The following DPP10 variants were observed in gnomAD, a reference collection of about 807,000 sequenced individuals.
DPP10 encodes inactive dipeptidyl peptidase 10.
In DPP10, 33 loss-of-function variants were observed where a neutral mutation model predicts 120.9. The ratio of observed to expected loss-of-function variants is 0.27; its 90% CI spans 0.21 to 0.37. The LOEUF is 0.37. Ranked by LOEUF, DPP10 falls within the 10% of genes least tolerant of loss-of-function variation. The pLI is 1.00. For synonymous variants in DPP10, 337 were observed against 326.1 expected, an observed-to-expected ratio of 1.03 and a Z score of -0.36; for missense variants, 816 against 942.8, an observed-to-expected ratio of 0.87 and a Z score of 1.76.
chr2:115,129,150 A>C (rs1231943963), intron 1 of DPP10, among the ~76,000 whole-genome samples: 1 of 152,204 alleles, frequency 6.6e-6, no homozygotes, highest in Non-Finnish European at 1.5e-5. Context: ...CTCCAGTGTG[A>C]AAGAGGCTTA....
chr2:115,491,255 C>T (rs187691265), intron 3 of DPP10, among the ~76,000 whole-genome samples: 114 of 152,246 alleles, frequency 7.5e-4, no homozygotes, highest in Non-Finnish European at 1.4e-3. Context: ...AGCCAATGAG[C>T]AGAATAATGC....
At chr2:115,627,448 T>C (rs1042523174) in intron 5 of DPP10, among the ~76,000 whole-genome samples, 1 of 152,148 alleles carries the variant, frequency 6.6e-6, no homozygotes, top group Non-Finnish European at 1.5e-5. Context: ...GCAAGATTTA[T>C]AGTGTCAACA....
At chr2:115,672,278 T>C (rs920507136) in intron 5 of DPP10, among the ~76,000 whole-genome samples, 1 of 152,176 alleles carries the variant, frequency 6.6e-6, no homozygotes, top group Non-Finnish European at 1.5e-5. Context: ...TAATTTGGTA[T>C]CTTGGTGTCA....
chr2:114,542,864 A>G (rs1375887353), intron 1 of DPP10, among the ~76,000 whole-genome samples: 2 of 152,122 alleles, frequency 1.3e-5, no homozygotes, highest in Non-Finnish European at 2.9e-5. Flanking sequence ...TCTGCCTCTC[A>G]TTTCTTAGGA....
chr2:114,575,973 A>C (rs1434466782), intron 1 of DPP10, among the ~76,000 whole-genome samples: 5 of 152,226 alleles, frequency 3.3e-5, no homozygotes, highest in Non-Finnish European at 5.9e-5. Flanking sequence ...GCGTGATGAA[A>C]TAATAACAGA....
intron 21 of DPP10, among the ~76,000 whole-genome samples, chr2:115,817,180 G>C (rs1687336312): frequency 6.6e-6 from 1 of 151,912 alleles, no homozygotes; most frequent in Non-Finnish European, 1.5e-5. Context: ...CCGGGAGGCA[G>C]AGTTTGAAGT....
intron 1 of DPP10, among the ~76,000 whole-genome samples, chr2:115,293,424 C>T (rs1392917998): frequency 5.3e-5 from 8 of 152,108 alleles, no homozygotes; most frequent in Admixed American, 5.2e-4. Context: ...TTTACACCTT[C>T]CAATTGTTGC....
chr2:114,779,943 TG>T (rs1232270677), intron 1 of DPP10, among the ~76,000 whole-genome samples: 1 of 152,098 alleles, frequency 6.6e-6, no homozygotes, highest in East Asian at 1.9e-4. Context: ...GAGACCATCC[TG>T]GCTAACATGG....
intron 5 of DPP10, among the ~76,000 whole-genome samples, chr2:115,624,422 A>G (rs1217055783): frequency 1.3e-5 from 2 of 152,154 alleles, no homozygotes; most frequent in African/African-American, 4.8e-5. Context: ...AAAAACAAGC[A>G]CTGTTTAAAA....
At chr2:114,567,451 A>G (rs1689289340) in intron 1 of DPP10, among the ~76,000 whole-genome samples, 1 of 152,160 alleles carries the variant, frequency 6.6e-6, no homozygotes, top group Non-Finnish European at 1.5e-5. Context: ...GGAGGCAAGA[A>G]GTCAGAGAGC....
intron 1 of DPP10, among the ~76,000 whole-genome samples, chr2:114,847,053 CTATCATATCATATCA>C (rs143276942): frequency 1.3e-5 from 2 of 151,932 alleles, no homozygotes; most frequent in Non-Finnish European, 2.9e-5. Context: ...GGCAGTGGTG[CTATCATATCATATCA>C]TATCATATCA....
At chr2:115,469,780 C>G (rs993227201) in intron 3 of DPP10, among the ~76,000 whole-genome samples, 1 of 150,886 alleles carries the variant, frequency 6.6e-6, no homozygotes, top group East Asian at 2.0e-4. Flanking sequence ...TTCCTGTAAT[C>G]CCAGCTACTT....
chr2:114,887,906 G>GGCGGGTGGGTT (rs1171880244), intron 1 of DPP10, among the ~76,000 whole-genome samples: 1 of 152,128 alleles, frequency 6.6e-6, no homozygotes, highest in Non-Finnish European at 1.5e-5. Flanking sequence ...TTGGGAGGCT[G>GGCGGGTGGGTT]AGGCGGGTGG....
At chr2:115,614,135 A>G (rs1026930588) in intron 5 of DPP10, among the ~76,000 whole-genome samples, 2 of 152,230 alleles carry the variant, frequency 1.3e-5, no homozygotes, top group Non-Finnish European at 2.9e-5. Context: ...GCAGATAACC[A>G]AAGTGTCTAC....
chr2:115,590,639 T>C lies in DPP10; in HGVS notation c.441+64667T>C, dbSNP rs575436374. 2.8e-4 allele frequency among the ~76,000 whole-genome samples: 42 copies of C among 152,372 alleles called. No homozygotes were observed. In the South Asian group the frequency reaches 6.6e-3, roughly 24 times the overall value. On this transcript the variant is annotated intron_variant, in intron 5 of 25. Transcript: ENST00000410059. Reference sequence around the variant, plus strand: ...GCCACAATAAACATACGTGTGAATGTGTCTTTATAGCAGCATGATTTACAG... The same window carrying C: ...GCCACAATAAACATACGTGTGAATGCGTCTTTATAGCAGCATGATTTACAG...
chr2:115,014,967 T>C (rs970473319), intron 1 of DPP10, among the ~76,000 whole-genome samples: 1 of 149,466 alleles, frequency 6.7e-6, no homozygotes, highest in African/African-American at 2.5e-5. Flanking sequence ...TTCCAATCAA[T>C]AGAAAAAGAG....
At position 115,518,523 on chromosome 2, in the gene DPP10, G is replaced by A. The variant is rs567852712; in HGVS notation, c.367-7375G>A. Among the ~76,000 whole-genome samples, 3 of 151,960 alleles carry A rather than the reference G, an allele frequency of 2.0e-5. No individual in the cohort carries two copies. The South Asian group carries it at 6.2e-4, about 32-fold the overall frequency. On this transcript the variant is annotated intron_variant, in intron 4 of 25. Transcript: ENST00000410059. ...AAAAAAGTTTTTTTACTTAATATTG[G>A]ACATTATAGTTTCCCTTCTTTTTGT... is the stretch of plus-strand genomic sequence containing the variant.
At chr2:114,626,388 T>C (rs1479466082) in intron 1 of DPP10, among the ~76,000 whole-genome samples, 1 of 152,102 alleles carries the variant, frequency 6.6e-6, no homozygotes, top group Non-Finnish European at 1.5e-5. Context: ...CTGTTTTCTT[T>C]ACTTTCAGAA....
chr2:114,953,768 T>G (rs1697974770), intron 1 of DPP10, among the ~76,000 whole-genome samples: 1 of 152,164 alleles, frequency 6.6e-6, no homozygotes, highest in Admixed American at 6.5e-5. Flanking sequence ...TGGTACCGTA[T>G]TATGAATGTT....
Sources: gnomAD v4.1 joint callset for allele counts (sites outside exome capture counted in the v4.1 genomes callset) on GRCh38, gnomAD v4.1.1 for gene constraint, MANE v1.5 for transcripts, NCBI Gene and HGNC (gene_info 2026-07-23, HGNC 2026-07-21) for gene names.